Variants in DLST observed in about 807,000 individuals in gnomAD.
The protein encoded by DLST is dihydrolipoyllysine-residue succinyltransferase component of 2-oxoglutarate dehydrogenase complex, mitochondrial.
Under a neutral mutation model 53.1 loss-of-function variants are expected in DLST, and 17 were observed. That is an observed-to-expected ratio of 0.32 (90% CI 0.22 to 0.48). The LOEUF (loss-of-function observed/expected upper bound fraction) is 0.48, where lower values mean the gene tolerates loss of function less well. DLST is among the 20% of genes least tolerant of loss of function. The pLI, the probability that DLST is intolerant of heterozygous loss-of-function variation, is 0.99. For missense variants in DLST, 512 were observed against 583.9 expected (o/e 0.88, Z 1.27); for synonymous variants, 206 against 204.8 (o/e 1.01, Z -0.05).
intron 7 of DLST, chr14:74,891,552 G>A: frequency 1.0e-6 from 1 of 995,576 alleles, no homozygotes; most frequent in Non-Finnish European, 1.2e-6. Flanking sequence ...ATGCTCAAAG[G>A]AAATGCTCAT....
At chr14:74,888,656 A>G (rs969741602) in intron 3 of DLST, among the ~76,000 whole-genome samples, 2 of 152,138 alleles carry the variant, frequency 1.3e-5, no homozygotes, top group South Asian at 2.1e-4. Flanking sequence ...ACAGTGAACT[A>G]TTATCATGCT....
At chr14:74,896,825 C>G (rs1884089435) in intron 10 of DLST, among the ~76,000 whole-genome samples, 1 of 152,196 alleles carries the variant, frequency 6.6e-6, no homozygotes, top group African/African-American at 2.4e-5. Context: ...TGCAGTTGGC[C>G]CAACAGCTTT....
chr14:74,891,808 C>G (rs1299973279), intron 7 of DLST: 1 of 985,282 alleles, frequency 1.0e-6, no homozygotes, highest in African/African-American at 1.7e-5. Context: ...TTCTTTTTCA[C>G]TGTTACACTA....
chr14:74,899,893 T>G (rs1884186513), intron 11 of DLST, 30 bp from the exon 12 acceptor site: 1 of 1,568,320 alleles, frequency 6.4e-7, no homozygotes, highest in Non-Finnish European at 8.7e-7. Context: ...CCTGGGGAGT[T>G]GTATGTAACA....
chr14:74,893,458 CA>C (rs1351296227), intron 9 of DLST, 34 bp downstream of exon 9: 1 of 1,611,714 alleles, frequency 6.2e-7, no homozygotes, highest in Admixed American at 1.7e-5. Context: ...AGGAAAGAGG[CA>C]GGGGGCAGTG....
At chr14:74,899,890 A>T in intron 11 of DLST, 33 bp from the exon 12 acceptor site, 1 of 1,545,512 alleles carries the variant, frequency 6.5e-7, no homozygotes, top group Non-Finnish European at 8.9e-7. Flanking sequence ...CTTCCTGGGG[A>T]GTTGTATGTA....
chr14:74,897,728 A>G (rs1884114692), intron 10 of DLST, among the ~76,000 whole-genome samples: 1 of 152,202 alleles, frequency 6.6e-6, no homozygotes, highest in South Asian at 2.1e-4. Context: ...TTGGAAGAAT[A>G]AGTGGATGGA....
At chr14:74,898,572 CA>C in intron 11 of DLST, 73 bp downstream of exon 11, 1 of 1,531,994 alleles carries the variant, frequency 6.5e-7, no homozygotes, top group Non-Finnish European at 8.8e-7. Context: ...CTCCCACATG[CA>C]GAGGATCAAC....
In DLST at chr14:74,900,323, C is replaced by T. The variant is rs745960461; in HGVS notation, c.1010C>T (p.Ala337Val). 2.5e-6 allele frequency: 4 copies of T among 1,613,968 alleles called. No individual in the cohort carries two copies. The highest frequency in any genetic ancestry group is 3.4e-6 in the Non-Finnish European group (4 of 1,179,946). Residue 337 changes from alanine (A) to valine (V), a missense_variant, in exon 13 of 15, where the codon GCT becomes GTT. Ala to Val is a moderately conservative substitution (Grantham distance 64). Coordinates refer to ENST00000334220, the MANE Select transcript of DLST (RefSeq NM_001933.5). ...GTTCCAGTCATCAGGAATGTGGAAGCTATGAATTTTGCAGATATTGAACGG... is the reference window on the plus strand; with the variant it reads ...GTTCCAGTCATCAGGAATGTGGAAGTTATGAATTTTGCAGATATTGAACGG... ...LVVPVIRNVE[A>V]MNFADIERTI...
At position 74,898,514 on chromosome 14, in the gene DLST, G is replaced by C; in HGVS notation, c.901+15G>C. 1 of 1,613,682 alleles carries C rather than the reference G, an allele frequency of 6.2e-7. No individual in the cohort carries two copies. Among genetic ancestry groups the C allele is most frequent in the Non-Finnish European group, 8.5e-7 (1 of 1,179,732 alleles). ...TGTAAATGCAGGTGAGTTGCTTGTG[G>C]CTGGAATTGGAGAGGTCCTGGGAGG... is the stretch of plus-strand genomic sequence containing the variant. On this transcript the variant is annotated intron_variant, in intron 11 of 14. Transcript: ENST00000334220.
chr14:74,900,478 C>A, intron 13 of DLST, 106 bp downstream of exon 13: 2 of 965,088 alleles, frequency 2.1e-6, no homozygotes, highest in Non-Finnish European at 3.3e-6. Context: ...AAGTGCATAG[C>A]CCCTGAGAAA....
chr14:74,897,633 C>G (rs2853773), intron 10 of DLST, among the ~76,000 whole-genome samples: 1 of 152,224 alleles, frequency 6.6e-6, no homozygotes, highest in South Asian at 2.1e-4. Context: ...TTAAACTAAT[C>G]TTAGGGCAAG....
Position 74,899,925 on chromosome 14 carries a change from A to C in DLST, c.904A>C (p.Ile302Leu). 1 of 1,612,182 alleles carries C rather than the reference A, an allele frequency of 6.2e-7. No individual in the cohort carries two copies. Among genetic ancestry groups the C allele is most frequent in the South Asian group, 1.1e-5 (1 of 90,936 alleles). Reference protein sequence around the residue: ...LQEQPVVNAVIDDTTKEVVYR... With the variant: ...LQEQPVVNAVLDDTTKEVVYR... ...AACATGTATTTTCTCTCTCATAGTGATTGACGACACAACCAAAGAGGTGGT... is the reference window on the plus strand; with the variant it reads ...AACATGTATTTTCTCTCTCATAGTGCTTGACGACACAACCAAAGAGGTGGT... Residue 302 changes from isoleucine to leucine, a missense_variant and splice_region_variant, in exon 12 of 15, where the codon ATT becomes CTT. Ile to Leu is a conservative substitution (Grantham distance 5). Coordinates refer to ENST00000334220, the MANE Select transcript of DLST (RefSeq NM_001933.5).
At chr14:74,889,665 G>T in intron 5 of DLST, 1 of 559,370 alleles carries the variant, frequency 1.8e-6, no homozygotes, top group South Asian at 2.4e-5. Flanking sequence ...GAGCCACTGC[G>T]TGAGCCACTG....
At chr14:74,889,642 G>A (rs1056869976) in intron 5 of DLST, 1 of 548,346 alleles carries the variant, frequency 1.8e-6, no homozygotes, top group East Asian at 3.0e-5. Flanking sequence ...CAAAGTGTTG[G>A]GATTACAGGC....
intron 5 of DLST, chr14:74,889,632 CA>C: frequency 1.8e-6 from 1 of 543,338 alleles, no homozygotes; most frequent in Non-Finnish European, 3.2e-6. Context: ...CAGCCTGCCA[CA>C]AAGTGTTGGG....
chr14:74,895,832 G>A (rs1407130362), intron 10 of DLST, among the ~76,000 whole-genome samples: 1 of 152,064 alleles, frequency 6.6e-6, no homozygotes, highest in African/African-American at 2.4e-5. Context: ...CCCAGGAGGA[G>A]GTTGCAGTGG....
rs1418379283 is a variant in DLST at position 74,893,416 on chromosome 14, G to C, written c.664G>C (p.Glu222Gln). ...AGGAGCTGGCAAAGGTCTGCGTTCAGAACATCGGGTAAGCCTCTGAGGACC... is the reference window on the plus strand; with the variant it reads ...AGGAGCTGGCAAAGGTCTGCGTTCACAACATCGGGTAAGCCTCTGAGGACC... ...EPGAGKGLRS[E>Q]HREKMNRMRQ... The change falls in exon 9 of 15, where the codon GAA (glutamate) becomes CAA (glutamine). Residue 222 changes from glutamate (E) to glutamine (Q), a missense_variant. Transcript: ENST00000334220. The C allele has an allele frequency of 1.2e-6, 2 of 1,614,110 alleles. No individual in the cohort carries two copies. The highest frequency in any genetic ancestry group is 1.7e-6 in the Non-Finnish European group (2 of 1,180,052).
chr14:74,882,468 C>A, intron 1 of DLST, 123 bp from the exon 2 acceptor site: 2 of 922,706 alleles, frequency 2.2e-6, no homozygotes, highest in Non-Finnish European at 3.5e-6. Flanking sequence ...GTTGCATTTA[C>A]CTTCGGAGTT....
Sources: gnomAD v4.1 joint callset for allele counts (sites outside exome capture counted in the v4.1 genomes callset) on GRCh38, gnomAD v4.1.1 for gene constraint, MANE v1.5 for transcripts, NCBI Gene and HGNC (gene_info 2026-07-23, HGNC 2026-07-21) for gene names.